The following PTPRU variants were observed in gnomAD, a reference collection of about 807,000 sequenced individuals.
The protein encoded by PTPRU is receptor-type tyrosine-protein phosphatase U.
PTPRU carries 69 observed loss-of-function variants against 166.3 expected under a neutral mutation model. The observed-to-expected ratio is 0.41, with a 90% CI of 0.34 to 0.51. PTPRU has a LOEUF of 0.51. Among genes scored for constraint, PTPRU ranks in the 20% least tolerant of loss-of-function variants. The probability of loss-of-function intolerance (pLI) is 0.09; values close to 1 mark genes in which losing one functional copy is unlikely to be tolerated. For missense variants in PTPRU, 1,657 were observed against 2,013.7 expected, an observed-to-expected ratio of 0.82 and a Z score of 3.39; for synonymous variants, 793 against 814.0, an observed-to-expected ratio of 0.97 and a Z score of 0.44.
Position 29,236,612 on chromosome 1 carries a change from C to A in PTPRU, c.-33C>A. On this transcript the variant is annotated 5_prime_UTR_variant, in exon 1 of 30. Transcript: ENST00000373779. The surrounding 1 kb of genome is among the most constrained non-coding windows in gnomAD (Gnocchi z 4.6). ...GGCTCCGGGGGCGGCGTCCCCCGCG[C>A]CGGGCCCCGGGACGGGCGGCGACGC... 5.7e-6 allele frequency: 7 copies of A among 1,221,272 alleles called. No homozygotes were observed. The highest frequency in any genetic ancestry group is 7.1e-6 in the Non-Finnish European group (7 of 981,424). The allele number at this position is 1,221,272 out of a possible 1,614,324, so 75.7% of individuals were successfully genotyped here. A position where few individuals can be genotyped will look rare whatever the true frequency, so the allele number is the denominator to read the frequency against.
At position 29,238,455 on chromosome 1, in the gene PTPRU, G is replaced by C. The variant is rs971106360; in HGVS notation, c.73+1738G>C. Among the ~76,000 whole-genome samples the C allele has an allele frequency of 6.6e-6, 1 of 152,154 alleles. No homozygotes were observed. Among genetic ancestry groups the C allele is most frequent in the African/African-American group, 2.4e-5 (1 of 41,456 alleles). On this transcript the variant is annotated intron_variant, in intron 1 of 29. Transcript: ENST00000373779. This position sits in a 1 kb window ranked among gnomAD's most constrained non-coding sequence, Gnocchi z 6.1. ...CCGAGCCGAGACACGTGCTGGAGCG[G>C]AGCCGCTTCCTCACGGTCGCCAGCC...
Position 29,260,685 on chromosome 1 carries a change from A to C in PTPRU, c.926A>C (p.Asn309Thr). 1.3e-6 allele frequency: 2 copies of C among 1,576,122 alleles called. No homozygotes were observed. Among genetic ancestry groups the C allele is most frequent in the South Asian group, 1.2e-5 (1 of 86,032 alleles). ...TACCTCATCATCCAGCTCAACACCA[A>C]CTCCATCATTGGCGACGGGCCGATC... ...PTYLIIQLNTNSIIGDGPIVR... is the reference protein window; with the variant it reads ...PTYLIIQLNTTSIIGDGPIVR... The change falls in exon 7 of 30, where the codon AAC becomes ACC. Residue 309 changes from asparagine to threonine, a missense_variant. By Grantham distance (65) the Asn-to-Thr change is moderately conservative. Transcript: ENST00000373779. The surrounding 1 kb of genome is among the most constrained non-coding windows in gnomAD (Gnocchi z 8.3).
Position 29,311,515 on chromosome 1 carries a change from A to C in PTPRU, c.2917A>C (p.Ser973Arg), listed in dbSNP as rs1349481834. Residue 973 changes from serine to arginine, a missense_variant, in exon 20 of 30, where the codon AGC (serine) becomes CGC (arginine). Physicochemically the swap from Ser to Arg is moderately radical, Grantham distance 110. This residue lies in a region of PTPRU where 1,190 missense variants were observed against 1,477.4 expected (regional missense o/e 0.81). Coordinates refer to ENST00000373779, the MANE Select transcript of PTPRU (RefSeq NM_133178.4). The surrounding 1 kb of genome is among the most constrained non-coding windows in gnomAD (Gnocchi z 4.1). ...TATGGTGTGGCAGGAGCACTGTTCC[A>C]GCATCGTCATGATCACCAAGCTGGT... ...WRMVWQEHCSSIVMITKLVEV... is the reference protein window; with the variant it reads ...WRMVWQEHCSRIVMITKLVEV... The C allele has an allele frequency of 6.2e-7, 1 of 1,614,032 alleles. No individual in the cohort carries two copies. Among genetic ancestry groups the C allele is most frequent in the Non-Finnish European group, 8.5e-7 (1 of 1,180,030 alleles).
intron 14 of PTPRU, among the ~76,000 whole-genome samples, chr1:29,288,436 A>C (rs1431162817): frequency 6.6e-6 from 1 of 152,142 alleles, no homozygotes. Flanking sequence ...CTCGTGGGAG[A>C]GTGGTCCGGG....
chr1:29,315,885 A>G lies in PTPRU; in HGVS notation c.3364-117A>G. On this transcript the variant is annotated intron_variant, in intron 23 of 29. Transcript: ENST00000373779. This position sits in a 1 kb window ranked among gnomAD's most constrained non-coding sequence, Gnocchi z 4.5. Reference sequence around the variant, plus strand: ...TAGGCTTGGTCCAGCCTGTAGTAACATGGTTGGCCTCCACCTCAGGACACC... The same window carrying G: ...TAGGCTTGGTCCAGCCTGTAGTAACGTGGTTGGCCTCCACCTCAGGACACC... 7.8e-7 allele frequency: 1 copy of G among 1,287,436 alleles called. No homozygotes were observed. The highest frequency in any genetic ancestry group is 1.1e-6 in the Non-Finnish European group (1 of 936,734). 79.8% of individuals were successfully genotyped at this position (1,287,436 alleles called of 1,614,324 possible).
intron 14 of PTPRU, among the ~76,000 whole-genome samples, chr1:29,286,789 C>T (rs897247058): frequency 2.0e-5 from 3 of 152,128 alleles, no homozygotes; most frequent in Non-Finnish European, 4.4e-5. Context: ...CAGGGCCTCA[C>T]TGGGAAACCT....
chr1:29,320,709 A>G lies in PTPRU; in HGVS notation c.3712A>G (p.Ile1238Val), dbSNP rs149056994. Residue 1238 changes from isoleucine (I) to valine (V), a missense_variant, in exon 26 of 30, where the codon ATC becomes GTC. By Grantham distance (29) the Ile-to-Val change is conservative. Transcript: ENST00000373779. This position sits in a 1 kb window ranked among gnomAD's most constrained non-coding sequence, Gnocchi z 5.2. ...TDSYTRSAAF[I>V]VTLHPLQSTT... Reference sequence around the variant, plus strand: ...GAGCTACACACGGAGTGCGGCCTTCATCGTGACCCTGCACCCGCTGCAGAG... The same window carrying G: ...GAGCTACACACGGAGTGCGGCCTTCGTCGTGACCCTGCACCCGCTGCAGAG... 284 of 1,602,228 alleles carry G rather than the reference A, an allele frequency of 1.8e-4. No homozygotes were observed. The highest frequency in any genetic ancestry group is 2.3e-4 in the Non-Finnish European group (275 of 1,171,198).
intron 19 of PTPRU, 128 bp downstream of exon 19, chr1:29,310,908 A>T (rs1333926675): frequency 8.4e-7 from 1 of 1,191,908 alleles, no homozygotes; most frequent in Admixed American, 1.7e-5. Context: ...CCGTCGCCAT[A>T]TTCTGGCTCC....
In PTPRU at chr1:29,311,459, C is replaced by T. The variant is rs779614135; in HGVS notation, c.2861C>T (p.Pro954Leu). Residue 954 changes from proline (P) to leucine (L), a missense_variant, in exon 20 of 30, where the codon CCG becomes CTG. Coordinates refer to ENST00000373779, the MANE Select transcript of PTPRU (RefSeq NM_133178.4). The surrounding 1 kb of genome is among the most constrained non-coding windows in gnomAD (Gnocchi z 4.1). ...RSNHFIATQGPKPEMVYDFWR... is the reference protein window; with the variant it reads ...RSNHFIATQGLKPEMVYDFWR... The stretch of plus-strand genomic sequence containing the variant: ...CACCCTCTGCCTGCATCCCCAGGGC[C>T]GAAGCCTGAGATGGTCTATGACTTC... The T allele has an allele frequency of 5.4e-5, 87 of 1,613,958 alleles. No individual in the cohort carries two copies. The highest frequency in any genetic ancestry group is 3.0e-4 in the South Asian group (27 of 91,090).
At chr1:29,277,224 CT>C (rs1685844717) in intron 8 of PTPRU, among the ~76,000 whole-genome samples, 1 of 152,198 alleles carries the variant, frequency 6.6e-6, no homozygotes, top group South Asian at 2.1e-4. Context: ...CCTCAGCCTC[CT>C]GAGTAGCTGG....
At chr1:29,269,102 C>T (rs1345752134) in intron 7 of PTPRU, among the ~76,000 whole-genome samples, 4 of 150,900 alleles carry the variant, frequency 2.7e-5, no homozygotes, top group Admixed American at 1.3e-4. Flanking sequence ...TGCAGTGGCA[C>T]GATCATAGCT....
chr1:29,325,693 C>T lies in PTPRU; in HGVS notation c.*32C>T, dbSNP rs766025298. 2 of 1,550,294 alleles carry T rather than the reference C, an allele frequency of 1.3e-6. No homozygotes were observed. On this transcript the variant is annotated 3_prime_UTR_variant, in exon 30 of 30. Coordinates refer to ENST00000373779, the MANE Select transcript of PTPRU (RefSeq NM_133178.4). ...CCTGGCCTGGGGCACCCACTGCACACTCAGGGCCAGACCCACCATCCTGGA... is the reference window on the plus strand; with the variant it reads ...CCTGGCCTGGGGCACCCACTGCACATTCAGGGCCAGACCCACCATCCTGGA...
At position 29,326,311 on chromosome 1, in the gene PTPRU, C is replaced by T. The variant is rs1688407473; in HGVS notation, c.*650C>T. The T allele has an allele frequency of 6.2e-6, 1 of 160,214 alleles. No individual in the cohort carries two copies. Among genetic ancestry groups the T allele is most frequent in the Non-Finnish European group, 1.4e-5 (1 of 73,464 alleles). The allele number at this position is 160,214 out of a possible 1,614,324, so 9.9% of individuals were successfully genotyped here. On this transcript the variant is annotated 3_prime_UTR_variant, in exon 30 of 30. Transcript: ENST00000373779. ...TCCCTGATATGTGCTCTGAGCTTCC[C>T]TGAACCAGGATCTGCCTATTACTGC... is the stretch of plus-strand genomic sequence containing the variant.
Position 29,271,775 on chromosome 1 carries a change from C to T in PTPRU, c.1145-3673C>T, listed in dbSNP as rs1272529945. Among the ~76,000 whole-genome samples the T allele has an allele frequency of 6.6e-6, 1 of 152,142 alleles. No homozygotes were observed. The highest frequency in any genetic ancestry group is 2.4e-5 in the African/African-American group (1 of 41,420). On this transcript the variant is annotated intron_variant, in intron 7 of 29. Coordinates refer to ENST00000373779, the MANE Select transcript of PTPRU (RefSeq NM_133178.4). The surrounding 1 kb of genome is among the most constrained non-coding windows in gnomAD (Gnocchi z 4.4). ...CCGTGGTCTTTACCCAGCATACGTC[C>T]CCCGTTTACATGGAACTTCTCCTGC...
In PTPRU at chr1:29,259,404, G is replaced by C. The variant is rs758775360; in HGVS notation, c.560-45G>C. ...GTGTGGGCGGCCGCGGCTCCTGCCT[G>C]CAGGGGGTGCAGGCCCAGCTCACGA... On this transcript the variant is annotated intron_variant, in intron 4 of 29. Coordinates refer to ENST00000373779, the MANE Select transcript of PTPRU (RefSeq NM_133178.4). 3 of 1,607,990 alleles carry C rather than the reference G, an allele frequency of 1.9e-6. No individual in the cohort carries two copies. In the African/African-American group the frequency reaches 4.0e-5, roughly 21 times the overall value.
rs1686627992 is a variant in PTPRU, at chr1:29,291,435, G to A, written c.2319-434G>A. ...GGAGAGTGGTCCCTGTTTAACACGG[G>A]GAGGAGAGAGGTGGGGACATGCTGG... On this transcript the variant is annotated intron_variant, in intron 14 of 29. Transcript: ENST00000373779. This position sits in a 1 kb window ranked among gnomAD's most constrained non-coding sequence, Gnocchi z 4.1. Among the ~76,000 whole-genome samples, 1 of 151,880 alleles carries A rather than the reference G, an allele frequency of 6.6e-6. No individual in the cohort carries two copies. The highest frequency in any genetic ancestry group is 1.5e-5 in the Non-Finnish European group (1 of 67,930).
intron 15 of PTPRU, among the ~76,000 whole-genome samples, chr1:29,294,507 C>T (rs555043786): frequency 1.7e-3 from 255 of 152,204 alleles, no homozygotes; most frequent in Non-Finnish European, 2.8e-3. Flanking sequence ...ATATCTCCTC[C>T]CAATTTGTGG....
At chr1:29,247,514 C>T (rs527476066) in intron 1 of PTPRU, among the ~76,000 whole-genome samples, 119 of 152,338 alleles carry the variant, frequency 7.8e-4, no homozygotes, top group Admixed American at 3.9e-3. Context: ...AAGTACAGAT[C>T]GTCACACTGC....
In PTPRU at chr1:29,236,691, G is replaced by A; in HGVS notation, c.47G>A (p.Cys16Tyr). The A allele has an allele frequency of 6.8e-7, 1 of 1,467,854 alleles. No homozygotes were observed. The highest frequency in any genetic ancestry group is 9.0e-7 in the Non-Finnish European group (1 of 1,111,616). 90.9% of individuals were successfully genotyped at this position (1,467,854 alleles called of 1,614,324 possible). A position where few individuals can be genotyped will look rare whatever the true frequency, so the allele number is the denominator to read the frequency against. Residue 16 changes from cysteine to tyrosine, a missense_variant, in exon 1 of 30, where the codon TGC becomes TAC. Cys to Tyr is a radical substitution (Grantham distance 194). This residue lies in a region of PTPRU where 453 missense variants were observed against 496.9 expected (regional missense o/e 0.91). Coordinates refer to ENST00000373779, the MANE Select transcript of PTPRU (RefSeq NM_133178.4). This position sits in a 1 kb window ranked among gnomAD's most constrained non-coding sequence, Gnocchi z 4.6. ...GTGCTGGCACTCACCTTCCAGCTCTGCGCGCCGGAGACCGAGACTCCGGCA... is the reference window on the plus strand; with the variant it reads ...GTGCTGGCACTCACCTTCCAGCTCTACGCGCCGGAGACCGAGACTCCGGCA... ...ALVLALTFQL[C>Y]APETETPAAG...
Sources: gnomAD v4.1 joint callset for allele counts (sites outside exome capture counted in the v4.1 genomes callset) on GRCh38, gnomAD v4.1.1 for gene constraint, gnomAD v4.1.1 regional missense constraint, Gnocchi (gnomAD v3.1) non-coding constraint, MANE v1.5 for transcripts, NCBI Gene and HGNC (gene_info 2026-07-23, HGNC 2026-07-21) for gene names.